Variants in DCAF5 observed in about 807,000 individuals in gnomAD.
The protein encoded by DCAF5 is DDB1- and CUL4-associated factor 5.
Under a neutral mutation model 80.7 loss-of-function variants are expected in DCAF5, and 9 were observed. That is an observed-to-expected ratio of 0.11 (90% CI 0.07 to 0.19). The LOEUF is 0.19. Among genes scored for constraint, DCAF5 ranks in the 10% least tolerant of loss-of-function variants. DCAF5 has a pLI of 1.00. For missense variants in DCAF5, 842 were observed against 1,205.7 expected (o/e 0.70, Z 4.47); for synonymous variants, 433 against 461.9 (o/e 0.94, Z 0.80).
In DCAF5 at chr14:69,153,066, C is replaced by G. The variant is rs1227878652; in HGVS notation, c.-88G>C. ...TGCTCCCCCCACCCGGCCCTCCCCC[C>G]GCGCTGCGATCCGGATGGTTCTTTA... is the stretch of plus-strand genomic sequence containing the variant. On this transcript the variant is annotated 5_prime_UTR_variant, in exon 1 of 9. Transcript: ENST00000341516. 3 of 1,063,826 alleles carry G rather than the reference C, an allele frequency of 2.8e-6. No homozygotes were observed. Among genetic ancestry groups the G allele is most frequent in the Non-Finnish European group, 3.8e-6 (3 of 791,166 alleles). 65.9% of individuals were successfully genotyped at this position (1,063,826 alleles called of 1,614,324 possible). A position where few individuals can be genotyped will look rare whatever the true frequency, so the allele number is the denominator to read the frequency against.
chr14:69,135,966 G>A (rs1228843445), intron 1 of DCAF5, among the ~76,000 whole-genome samples: 6 of 152,152 alleles, frequency 3.9e-5, no homozygotes, highest in Admixed American at 6.5e-5. Flanking sequence ...AACAGGCTAC[G>A]AGAAATTATT....
chr14:69,073,159 C>T (rs2038766506), intron 7 of DCAF5, among the ~76,000 whole-genome samples: 1 of 152,160 alleles, frequency 6.6e-6, no homozygotes, highest in African/African-American at 2.4e-5. Context: ...ATCAGTACAG[C>T]AGAGGAATTG....
intron 8 of DCAF5, among the ~76,000 whole-genome samples, chr14:69,057,479 C>G (rs2038021928): frequency 6.6e-6 from 1 of 152,112 alleles, no homozygotes; most frequent in Non-Finnish European, 1.5e-5. Context: ...CAGAAACTCA[C>G]AACTAGTTAA....
intron 6 of DCAF5, among the ~76,000 whole-genome samples, chr14:69,091,448 C>T (rs1016165861): frequency 6.6e-6 from 1 of 152,110 alleles, no homozygotes; most frequent in Non-Finnish European, 1.5e-5. Flanking sequence ...TGGCTCAGAA[C>T]CATATCGTGG....
intron 5 of DCAF5, among the ~76,000 whole-genome samples, chr14:69,105,657 C>T (rs2040111683): frequency 6.6e-6 from 1 of 151,870 alleles, no homozygotes; most frequent in East Asian, 1.9e-4. Context: ...AAGCCTGATG[C>T]TTTGCTTCCT....
chr14:69,141,222 C>T (rs2140114588), intron 1 of DCAF5, among the ~76,000 whole-genome samples: 1 of 144,400 alleles, frequency 6.9e-6, no homozygotes, highest in Admixed American at 6.9e-5. Context: ...GGCTTTTCTA[C>T]TAGAGGCATC....
At chr14:69,122,871 G>C (rs1228525257) in intron 1 of DCAF5, among the ~76,000 whole-genome samples, 1 of 126,412 alleles carries the variant, frequency 7.9e-6, no homozygotes, top group African/African-American at 2.8e-5. Context: ...GACTCTTACA[G>C]TAATAGGATC....
At chr14:69,057,331 A>C (rs976757146) in intron 8 of DCAF5, among the ~76,000 whole-genome samples, 4 of 147,344 alleles carry the variant, frequency 2.7e-5, no homozygotes, top group Admixed American at 2.1e-4. Context: ...AGGGGTCCAA[A>C]AGGGAAAGCC....
intron 1 of DCAF5, among the ~76,000 whole-genome samples, chr14:69,128,736 C>G (rs1034370180): frequency 3.3e-5 from 5 of 152,040 alleles, no homozygotes; most frequent in African/African-American, 7.2e-5. Flanking sequence ...CCACAGCACT[C>G]CAGCCTGGGT....
chr14:69,072,292 G>C (rs1158968562), intron 7 of DCAF5, among the ~76,000 whole-genome samples: 1 of 152,044 alleles, frequency 6.6e-6, no homozygotes, highest in Non-Finnish European at 1.5e-5. Context: ...GGACTATTGT[G>C]CTTTTAAAAA....
chr14:69,128,698 G>A (rs891504079), intron 1 of DCAF5, among the ~76,000 whole-genome samples: 13 of 152,060 alleles, frequency 8.5e-5, no homozygotes, highest in African/African-American at 3.1e-4. Context: ...AACCCTGGAG[G>A]CGGAGGTTGC....
intron 1 of DCAF5, among the ~76,000 whole-genome samples, chr14:69,125,506 C>A (rs1167821045): frequency 6.6e-6 from 1 of 152,164 alleles, no homozygotes; most frequent in Non-Finnish European, 1.5e-5. Context: ...AACCCAAATA[C>A]CAAACATATT....
chr14:69,118,330 G>A lies in DCAF5; in HGVS notation c.396-52C>T. On this transcript the variant is annotated intron_variant, in intron 3 of 8. Transcript: ENST00000341516. This position sits in a 1 kb window ranked among gnomAD's most constrained non-coding sequence, Gnocchi z 4.0. ...GCACACACATACACACAAGCATAGT[G>A]CAGAGTCCCAGCACTTTGGTACCGA... The A allele has an allele frequency of 1.3e-6, 2 of 1,577,150 alleles. No individual in the cohort carries two copies. The highest frequency in any genetic ancestry group is 1.7e-6 in the Non-Finnish European group (2 of 1,154,882).
At chr14:69,094,437 A>C (rs1385318451) in intron 5 of DCAF5, among the ~76,000 whole-genome samples, 2 of 152,024 alleles carry the variant, frequency 1.3e-5, no homozygotes, top group Non-Finnish European at 2.9e-5. Context: ...TGGGCAGGGA[A>C]CTCTGACCTC....
intron 6 of DCAF5, among the ~76,000 whole-genome samples, chr14:69,076,301 G>T (rs1434504771): frequency 6.6e-6 from 1 of 152,116 alleles, no homozygotes; most frequent in Non-Finnish European, 1.5e-5. Context: ...ATATATCCAA[G>T]AATTGAAAGC....
chr14:69,135,651 C>T (rs1047521308), intron 1 of DCAF5, among the ~76,000 whole-genome samples: 23 of 152,092 alleles, frequency 1.5e-4, no homozygotes, highest in African/African-American at 5.1e-4. Context: ...AAATAATTGG[C>T]AGTATTTGTA....
chr14:69,058,285 G>A (rs139792645), intron 8 of DCAF5, among the ~76,000 whole-genome samples: 2,044 of 151,332 alleles, frequency 0.014, 41 homozygotes, highest in African/African-American at 0.047. Flanking sequence ...TTGGGAGGCC[G>A]TGGCGGGTAG....
At chr14:69,075,242 A>G in intron 7 of DCAF5, 103 bp downstream of exon 7, 1 of 772,636 alleles carries the variant, frequency 1.3e-6, no homozygotes, top group Non-Finnish European at 2.0e-6. Context: ...TTATGTTAGA[A>G]ATGTTGTCCT....
chr14:69,056,709 C>T (rs749488904), intron 8 of DCAF5, among the ~76,000 whole-genome samples: 15 of 152,186 alleles, frequency 9.9e-5, no homozygotes, highest in South Asian at 2.1e-4. Context: ...ACCAAGACTT[C>T]GTTTCCCCAA....
Sources: allele counts gnomAD v4.1 joint callset (sites outside exome capture counted in the v4.1 genomes callset), GRCh38; gene constraint gnomAD v4.1.1; non-coding constraint Gnocchi (gnomAD v3.1); transcripts MANE v1.5; gene names NCBI Gene and HGNC (gene_info 2026-07-23, HGNC 2026-07-21).